Variants in TRDN observed in about 807,000 individuals in gnomAD.
TRDN encodes triadin.
Under a neutral mutation model 149.7 loss-of-function variants are expected in TRDN, and 161 were observed. The ratio of observed to expected loss-of-function variants is 1.08; its 90% CI spans 0.95 to 1.23. The LOEUF is 1.23. Among genes scored for constraint, TRDN ranks in the 50% most tolerant of loss-of-function variants. The pLI is 0.00. For missense variants in TRDN, 896 were observed against 823.5 expected (o/e 1.09, Z -1.08); for synonymous variants, 294 against 250.5 (o/e 1.17, Z -1.64).
intron 2 of TRDN, among the ~76,000 whole-genome samples, chr6:123,566,622 A>G (rs1782311532): frequency 6.6e-6 from 1 of 152,136 alleles, no homozygotes; most frequent in Non-Finnish European, 1.5e-5. Flanking sequence ...CTTCCAAATC[A>G]TTTCCAGTTT....
At position 123,280,082 on chromosome 6, in the gene TRDN, G is replaced by T. The variant is rs180728688; in HGVS notation, c.1511-1000C>A. On this transcript the variant is annotated intron_variant, in intron 24 of 40. Coordinates refer to ENST00000334268, the MANE Select transcript of TRDN (RefSeq NM_006073.4). ...CTTAGTGCTTGGAGAAAGTTACAAG[G>T]CCTTAGTGCAGCAATGAGTTGCCTA... Among the ~76,000 whole-genome samples, 12 of 152,224 alleles carry T rather than the reference G, an allele frequency of 7.9e-5. 1 individual carries two copies. In the East Asian group the frequency reaches 2.3e-3, roughly 29 times the overall value.
rs1776115688 is a variant in TRDN, at chr6:123,244,827, G to A, written c.1975+7585C>T. Among the ~76,000 whole-genome samples the A allele has an allele frequency of 2.0e-5, 3 of 152,126 alleles. 1 individual carries two copies. The South Asian group carries it at 6.2e-4, about 32-fold the overall frequency. ...CCAAGGTTGAAATGAAAGAAAAAAT[G>A]TTAAGGGCAGCTAGAGAGAAAGGTC... On this transcript the variant is annotated intron_variant, in intron 38 of 40. Coordinates refer to ENST00000334268, the MANE Select transcript of TRDN (RefSeq NM_006073.4).
In TRDN at chr6:123,511,989, AT is replaced by A. The variant is rs58869649; in HGVS notation, c.610+313del. On this transcript the variant is annotated intron_variant, in intron 7 of 40. Transcript: ENST00000334268. The stretch of plus-strand genomic sequence containing the variant: ...TAGAACAATCTTCACTGCCTCTGCA[AT>A]TTTTTTTTTTTTTTTGCCATGTAAT... Among the ~76,000 whole-genome samples, 987 of 141,268 alleles carry A rather than the reference AT, an allele frequency of 7.0e-3. 6 individuals carry two copies. Among genetic ancestry groups the A allele is most frequent in the African/African-American group, 0.023 (894 of 38,298 alleles). 92.7% of individuals were successfully genotyped at this position (141,268 alleles called of 152,430 possible).
chr6:123,422,206 G>A lies in TRDN; in HGVS notation c.1051+15857C>T, dbSNP rs1773934845. ...ATCCTTGGATTTTGGTATTCCTGAGGCATCTTGGAACCAGTCGCTGGGACG... is the reference window on the plus strand; with the variant it reads ...ATCCTTGGATTTTGGTATTCCTGAGACATCTTGGAACCAGTCGCTGGGACG... On this transcript the variant is annotated intron_variant, in intron 12 of 40. Transcript: ENST00000334268. 2.0e-5 allele frequency among the ~76,000 whole-genome samples: 3 copies of A among 151,994 alleles called. No homozygotes were observed. In the South Asian group the frequency reaches 6.2e-4, roughly 32 times the overall value.
chr6:123,253,986 C>T (rs946379914), intron 37 of TRDN, among the ~76,000 whole-genome samples: 1 of 152,002 alleles, frequency 6.6e-6, no homozygotes, highest in African/African-American at 2.4e-5. Flanking sequence ...AACTTGGAGC[C>T]AAATCTTGTC....
rs944466598 is a variant in TRDN at position 123,259,759 on chromosome 6, A to C, written c.1832-97T>G. The C allele has an allele frequency of 3.6e-6, 3 of 827,116 alleles. No individual in the cohort carries two copies. The African/African-American group carries it at 5.3e-5, about 15-fold the overall frequency. 51.2% of individuals were successfully genotyped at this position (827,116 alleles called of 1,614,324 possible). Reference sequence around the variant, plus strand: ...ACAGTTGGAGATGAGACTTAATCTTATGAGTGGAGGGAGTCAGGGCTCTCT... The same window carrying C: ...ACAGTTGGAGATGAGACTTAATCTTCTGAGTGGAGGGAGTCAGGGCTCTCT... On this transcript the variant is annotated intron_variant, in intron 34 of 40. Transcript: ENST00000334268.
chr6:123,377,755 G>C lies in TRDN; in HGVS notation c.1220-13C>G. On this transcript the variant is annotated splice_polypyrimidine_tract_variant and intron_variant, in intron 17 of 40. Coordinates refer to ENST00000334268, the MANE Select transcript of TRDN (RefSeq NM_006073.4). ...TTTGGTGACTTTGCTGTATCAAAAA[G>C]GAAAGAAAAAAAAATCAGCATTCTA... The C allele has an allele frequency of 6.2e-7, 1 of 1,609,650 alleles. No homozygotes were observed. The highest frequency in any genetic ancestry group is 8.5e-7 in the Non-Finnish European group (1 of 1,178,352).
intron 5 of TRDN, among the ~76,000 whole-genome samples, chr6:123,522,517 C>CTTTTT (rs375665403): frequency 1.1e-5 from 1 of 87,224 alleles, no homozygotes; most frequent in African/African-American, 4.9e-5. Context: ...TGCGGTTCCT[C>CTTTTT]TTTTTTTTTT....
intron 4 of TRDN, among the ~76,000 whole-genome samples, chr6:123,531,643 A>G (rs1485802587): frequency 6.6e-6 from 1 of 152,064 alleles, no homozygotes; most frequent in Non-Finnish European, 1.5e-5. Flanking sequence ...GTGACTTTGA[A>G]TATGGTGATG....
intron 1 of TRDN, among the ~76,000 whole-genome samples, chr6:123,584,755 G>A (rs1382432914): frequency 6.6e-6 from 1 of 152,160 alleles, no homozygotes; most frequent in East Asian, 1.9e-4. Context: ...GGGTGGAAAG[G>A]AATAGTAAAG....
At chr6:123,271,822 A>G (rs1165548871) in intron 29 of TRDN, among the ~76,000 whole-genome samples, 3 of 152,052 alleles carry the variant, frequency 2.0e-5, no homozygotes, top group Non-Finnish European at 4.4e-5. Flanking sequence ...TGGATAACAG[A>G]GAATTTAAAG....
chr6:123,548,809 A>G (rs955597986), intron 2 of TRDN, among the ~76,000 whole-genome samples, 197 bp from the exon 3 acceptor site: 1 of 152,026 alleles, frequency 6.6e-6, no homozygotes, highest in African/African-American at 2.4e-5. Context: ...ATGCCAAGAA[A>G]GAAAATGCCC....
chr6:123,259,564 T>A, intron 35 of TRDN, 60 bp downstream of exon 35: 1 of 1,204,004 alleles, frequency 8.3e-7, no homozygotes, highest in Non-Finnish European at 1.2e-6. Context: ...ATAAATTTGT[T>A]TTTTGTTCCT....
chr6:123,245,048 G>A (rs1005677705), intron 38 of TRDN, among the ~76,000 whole-genome samples: 23 of 152,156 alleles, frequency 1.5e-4, no homozygotes, highest in Admixed American at 1.1e-3. Flanking sequence ...CAAATGCTGA[G>A]GGATTTTGTC....
chr6:123,281,323 A>G (rs1365858819), intron 24 of TRDN, among the ~76,000 whole-genome samples: 3 of 151,968 alleles, frequency 2.0e-5, no homozygotes, highest in Non-Finnish European at 4.4e-5. Flanking sequence ...CCTCAGCAAT[A>G]TTTTTACCCT....
intron 24 of TRDN, among the ~76,000 whole-genome samples, chr6:123,281,936 C>A (rs1250972779): frequency 6.6e-6 from 1 of 151,976 alleles, no homozygotes; most frequent in African/African-American, 2.4e-5. Context: ...TCCAGACGCC[C>A]AGTACCTTAT....
At position 123,301,784 on chromosome 6, in the gene TRDN, T is replaced by TAC. The variant is rs1410437577; in HGVS notation, c.1510+14672_1510+14673insGT. Among the ~76,000 whole-genome samples the TAC allele has an allele frequency of 2.7e-3, 257 of 96,650 alleles. 1 individual carries two copies. The highest frequency in any genetic ancestry group is 5.9e-3 in the Middle Eastern group (1 of 170). The allele number at this position is 96,650 out of a possible 152,430, so 63.4% of individuals were successfully genotyped here. A position where few individuals can be genotyped will look rare whatever the true frequency, so the allele number is the denominator to read the frequency against. On this transcript the variant is annotated intron_variant, in intron 24 of 40. Coordinates refer to ENST00000334268, the MANE Select transcript of TRDN (RefSeq NM_006073.4). ...ATATATATATACATATATATATATATATACATAAATGAAAATATCTGGTGG... is the reference window on the plus strand; with the variant it reads ...ATATATATATACATATATATATATATACATACATAAATGAAAATATCTGGTGG...
chr6:123,517,170 A>G (rs1779450702), intron 5 of TRDN, among the ~76,000 whole-genome samples: 1 of 152,084 alleles, frequency 6.6e-6, no homozygotes, highest in Non-Finnish European at 1.5e-5. Context: ...ATGTTGATGT[A>G]TGAAATGACC....
chr6:123,282,059 A>G (rs141489206), intron 24 of TRDN, among the ~76,000 whole-genome samples: 3 of 152,064 alleles, frequency 2.0e-5, no homozygotes, highest in African/African-American at 7.2e-5. Context: ...AGAGGAAAAG[A>G]GATACAGAGA....
Sources: gnomAD v4.1 joint callset for allele counts (sites outside exome capture counted in the v4.1 genomes callset) on GRCh38, gnomAD v4.1.1 for gene constraint, MANE v1.5 for transcripts, NCBI Gene and HGNC (gene_info 2026-07-23, HGNC 2026-07-21) for gene names.